The following SPAG6 variants were observed in gnomAD, a reference collection of about 807,000 sequenced individuals.
SPAG6 encodes sperm-associated antigen 6.
In SPAG6, 49 loss-of-function variants were observed where a neutral mutation model predicts 58.5. The ratio of observed to expected loss-of-function variants is 0.84; its 90% CI spans 0.67 to 1.06. SPAG6 has a LOEUF of 1.06. Among genes scored for constraint, SPAG6 ranks in the 50% least tolerant of loss-of-function variants. SPAG6 has a pLI of 0.00. For missense variants in SPAG6, 560 were observed against 611.3 expected, an observed-to-expected ratio of 0.92 and a Z score of 0.89; for synonymous variants, 233 against 225.6, an observed-to-expected ratio of 1.03 and a Z score of -0.29.
In SPAG6 at chr10:22,365,003, C is replaced by A. The variant is rs374106778; in HGVS notation, c.272C>A (p.Ser91Ter). ...KCDILPQLVYSLAEQNRFYKK... is the reference protein window; with the variant it reads ...KCDILPQLVY Reference sequence around the variant, plus strand: ...GACATTCTTCCACAGCTTGTTTATTCATTGGCAGAACAGAATGTAAGAATT... The same window carrying A: ...GACATTCTTCCACAGCTTGTTTATTAATTGGCAGAACAGAATGTAAGAATT... The change falls in exon 3 of 11, where the codon TCA (serine) becomes TAA (stop). Residue 91 changes from serine (S) to a stop codon, truncating the protein, a stop_gained. Transcript: ENST00000376624. LOFTEE classifies it high-confidence loss of function. 6.2e-7 allele frequency: 1 copy of A among 1,602,068 alleles called. No individual in the cohort carries two copies. The highest frequency in any genetic ancestry group is 1.1e-5 in the South Asian group (1 of 88,192).
intron 4 of SPAG6, among the ~76,000 whole-genome samples, chr10:22,381,278 C>T (rs1833949719): frequency 6.6e-6 from 1 of 151,788 alleles, no homozygotes; most frequent in Admixed American, 6.6e-5. Flanking sequence ...GTAGCAGGCC[C>T]ACAGAGGGGT....
intron 2 of SPAG6, chr10:22,359,386 T>C: frequency 2.9e-6 from 1 of 343,572 alleles, no homozygotes; most frequent in Non-Finnish European, 4.1e-6. Context: ...TAACATATTT[T>C]ATAAATTTAT....
At chr10:22,351,880 AG>A (rs1453427846) in intron 2 of SPAG6, among the ~76,000 whole-genome samples, 2 of 152,152 alleles carry the variant, frequency 1.3e-5, no homozygotes, top group African/African-American at 4.8e-5. Flanking sequence ...TTCTGTTAAA[AG>A]TCTTGCTGTG....
intron 4 of SPAG6, among the ~76,000 whole-genome samples, chr10:22,369,790 A>G (rs1290502483): frequency 6.6e-6 from 1 of 152,226 alleles, no homozygotes; most frequent in African/African-American, 2.4e-5. Flanking sequence ...ATTAGTATTA[A>G]TAATGAATGT....
In SPAG6 at chr10:22,416,969, C is replaced by G. The variant is rs1834881038; in HGVS notation, c.*281C>G. On this transcript the variant is annotated 3_prime_UTR_variant, in exon 11 of 11. Coordinates refer to ENST00000376624, the MANE Select transcript of SPAG6 (RefSeq NM_012443.4). ...TTTTGTTATTCTGTTAAAAACCACA[C>G]ACACTCGTACATGCAGACACCTCCA... is the stretch of plus-strand genomic sequence containing the variant. 3.7e-6 allele frequency: 1 copy of G among 267,432 alleles called. No homozygotes were observed. Among genetic ancestry groups the G allele is most frequent in the African/African-American group, 2.2e-5 (1 of 45,552 alleles). 16.6% of individuals were successfully genotyped at this position (267,432 alleles called of 1,614,324 possible).
chr10:22,411,261 A>C, intron 10 of SPAG6, 85 bp downstream of exon 10: 1 of 1,190,842 alleles, frequency 8.4e-7, no homozygotes, highest in Admixed American at 2.4e-5. Context: ...ACTGTGTCAA[A>C]ATGTGGACTT....
chr10:22,375,135 A>G (rs1163112567), intron 4 of SPAG6, among the ~76,000 whole-genome samples: 1 of 152,228 alleles, frequency 6.6e-6, no homozygotes, highest in Non-Finnish European at 1.5e-5. Context: ...GCACCATGAC[A>G]TGTTTCTCTA....
At chr10:22,355,248 T>A (rs1283033889) in intron 2 of SPAG6, among the ~76,000 whole-genome samples, 1 of 152,174 alleles carries the variant, frequency 6.6e-6, no homozygotes, top group Non-Finnish European at 1.5e-5. Flanking sequence ...ATCTACCTCA[T>A]TGGATTGTAA....
intron 8 of SPAG6, 85 bp from the exon 9 acceptor site, chr10:22,401,076 G>C (rs1834400368): frequency 2.0e-5 from 14 of 711,364 alleles, no homozygotes; most frequent in South Asian, 1.8e-5. Flanking sequence ...ATTTTATTTT[G>C]AAATTCCAGG....
chr10:22,356,572 C>T (rs972755103), intron 2 of SPAG6, among the ~76,000 whole-genome samples: 2 of 152,320 alleles, frequency 1.3e-5, no homozygotes, highest in African/African-American at 4.8e-5. Flanking sequence ...TACCTCACTC[C>T]TCCCATTTTA....
At chr10:22,388,038 T>C in intron 6 of SPAG6, 42 bp downstream of exon 6, 1 of 1,502,578 alleles carries the variant, frequency 6.7e-7, no homozygotes, top group South Asian at 1.2e-5. Context: ...TAGTAGTTAG[T>C]TTTAGTTTTT....
intron 4 of SPAG6, among the ~76,000 whole-genome samples, chr10:22,371,440 G>A (rs182647518): frequency 1.1e-4 from 16 of 152,082 alleles, no homozygotes; most frequent in Admixed American, 2.0e-4. Context: ...TTTTAGTAGA[G>A]ACGGGGTTTC....
chr10:22,384,502 G>A (rs1216832035), intron 4 of SPAG6, among the ~76,000 whole-genome samples: 2 of 152,182 alleles, frequency 1.3e-5, no homozygotes, highest in Non-Finnish European at 2.9e-5. Flanking sequence ...ATTCTTATCT[G>A]TATATACATT....
At chr10:22,411,249 C>A (rs1834726772) in intron 10 of SPAG6, 73 bp downstream of exon 10, 1 of 1,302,396 alleles carries the variant, frequency 7.7e-7, no homozygotes, top group South Asian at 1.5e-5. Flanking sequence ...GGTTTTATAT[C>A]CACTGTGTCA....
chr10:22,377,494 CAACCA>C lies in SPAG6; in HGVS notation c.472+8834_472+8838del, dbSNP rs146252514. Among the ~76,000 whole-genome samples, 669 of 152,278 alleles carry C rather than the reference CAACCA, an allele frequency of 4.4e-3. 3 individuals are homozygous for C. Among genetic ancestry groups the C allele is most frequent in the African/African-American group, 0.015 (635 of 41,548 alleles). On this transcript the variant is annotated intron_variant, in intron 4 of 10. Transcript: ENST00000376624. ...GTTCATTATACTGTATAATAGCAAA[CAACCA>C]AACCAAACCAAACCAAAAATTAATT... is the stretch of plus-strand genomic sequence containing the variant.
In SPAG6 at chr10:22,355,878, C is replaced by G. The variant is rs1448864078; in HGVS notation, c.122-8975C>G. Among the ~76,000 whole-genome samples the G allele has an allele frequency of 3.9e-5, 6 of 152,034 alleles. No individual in the cohort carries two copies. The East Asian group carries it at 9.7e-4, about 24-fold the overall frequency. Reference sequence around the variant, plus strand: ...ACAAATAATTTTAAATAAAAAATGACCAGTGAAGGAAATGAGAACATGTTA... The same window carrying G: ...ACAAATAATTTTAAATAAAAAATGAGCAGTGAAGGAAATGAGAACATGTTA... On this transcript the variant is annotated intron_variant, in intron 2 of 10. Transcript: ENST00000376624.
intron 2 of SPAG6, among the ~76,000 whole-genome samples, chr10:22,363,098 C>T (rs755176472): frequency 1.3e-5 from 2 of 152,092 alleles, no homozygotes; most frequent in African/African-American, 4.8e-5. Context: ...GTGATGTTCA[C>T]GCAACATTTT....
intron 10 of SPAG6, among the ~76,000 whole-genome samples, chr10:22,413,874 A>T (rs1290221923): frequency 2.0e-5 from 3 of 152,186 alleles, no homozygotes; most frequent in Non-Finnish European, 4.4e-5. Context: ...CTCAAGAATC[A>T]CTTGGTGATA....
chr10:22,403,872 T>C (rs1588559185), intron 9 of SPAG6, among the ~76,000 whole-genome samples: 1 of 151,034 alleles, frequency 6.6e-6, no homozygotes, highest in East Asian at 1.9e-4. Context: ...GATTTGCATT[T>C]CTCTGATGGC....
Sources: gnomAD v4.1 joint callset for allele counts (sites outside exome capture counted in the v4.1 genomes callset) on GRCh38, gnomAD v4.1.1 for gene constraint, MANE v1.5 for transcripts, NCBI Gene and HGNC (gene_info 2026-07-23, HGNC 2026-07-21) for gene names.